IQGAP2: variants seen among roughly 807,000 people sequenced by gnomAD.
The protein encoded by IQGAP2 is IQ motif containing GTPase activating protein 2.
In IQGAP2, 173 loss-of-function variants were observed where a neutral mutation model predicts 201.3. That is an observed-to-expected ratio of 0.86 (90% CI 0.76 to 0.98). The LOEUF is 0.98. Ranked by LOEUF, IQGAP2 falls within the 50% of genes least tolerant of loss-of-function variation. The pLI, the probability that IQGAP2 is intolerant of heterozygous loss-of-function variation, is 0.00. For synonymous variants in IQGAP2, 675 were observed against 673.9 expected, an observed-to-expected ratio of 1.00 and a Z score of -0.03; for missense variants, 1,687 against 1,864.8, an observed-to-expected ratio of 0.90 and a Z score of 1.76.
At chr5:76,617,585 T>G in intron 13 of IQGAP2, 1 of 1,604,676 alleles carries the variant, frequency 6.2e-7, no homozygotes, top group East Asian at 2.2e-5. Context: ...CATTTCACTA[T>G]TTTGTAAGGT....
intron 2 of IQGAP2, among the ~76,000 whole-genome samples, chr5:76,552,003 A>T (rs963454172): frequency 6.6e-6 from 1 of 152,168 alleles, no homozygotes; most frequent in African/African-American, 2.4e-5. Flanking sequence ...ACACTGAGAC[A>T]GAGAGAGCCT....
intron 10 of IQGAP2, among the ~76,000 whole-genome samples, chr5:76,598,639 C>G (rs2150319557): frequency 6.6e-6 from 1 of 152,232 alleles, no homozygotes; most frequent in Admixed American, 6.5e-5. Context: ...AGATTTTCTG[C>G]AGGGTGGTCT....
At chr5:76,580,546 A>AT (rs1745776026) in intron 5 of IQGAP2, among the ~76,000 whole-genome samples, 1 of 152,270 alleles carries the variant, frequency 6.6e-6, no homozygotes, top group Non-Finnish European at 1.5e-5. Context: ...ATAAATACAC[A>AT]TTCGCTATTT....
intron 2 of IQGAP2, among the ~76,000 whole-genome samples, chr5:76,530,374 G>A (rs953578755): frequency 2.0e-5 from 3 of 152,162 alleles, no homozygotes; most frequent in African/African-American, 7.2e-5. Flanking sequence ...GTTTGCAATA[G>A]TGTGAAAAGA....
At chr5:76,593,473 A>G (rs1746801090) in intron 9 of IQGAP2, among the ~76,000 whole-genome samples, 1 of 152,140 alleles carries the variant, frequency 6.6e-6, no homozygotes. Flanking sequence ...TGTGGAGTCA[A>G]GCAGATGAGT....
chr5:76,628,852 A>G (rs1053763015), intron 14 of IQGAP2: 1 of 340,048 alleles, frequency 2.9e-6, no homozygotes, highest in Non-Finnish European at 5.8e-6. Flanking sequence ...GGAGGTGTGT[A>G]TATAAGAAAT....
At chr5:76,429,894 C>CACACA (rs1401698379) in intron 1 of IQGAP2, among the ~76,000 whole-genome samples, 1 of 150,228 alleles carries the variant, frequency 6.7e-6, no homozygotes, top group South Asian at 2.1e-4. Flanking sequence ...CACACACACA[C>CACACA]GACTATTTCA....
chr5:76,654,898 C>G, intron 19 of IQGAP2, 36 bp from the exon 20 acceptor site: 1 of 1,405,182 alleles, frequency 7.1e-7, no homozygotes, highest in Non-Finnish European at 1.0e-6. Context: ...GTAGGTGGGA[C>G]TCTGGGAGAT....
intron 20 of IQGAP2, among the ~76,000 whole-genome samples, chr5:76,656,363 A>G (rs1294054475): frequency 6.6e-6 from 1 of 151,846 alleles, no homozygotes; most frequent in Non-Finnish European, 1.5e-5. Context: ...TTGTATTTTT[A>G]GTAGAGATGG....
At chr5:76,503,915 C>A (rs1757440398) in intron 2 of IQGAP2, among the ~76,000 whole-genome samples, 1 of 152,242 alleles carries the variant, frequency 6.6e-6, no homozygotes, top group South Asian at 2.1e-4. Context: ...TCTTTTAGGC[C>A]AGACAGATAT....
At chr5:76,679,899 G>A (rs1337464559) in intron 28 of IQGAP2, among the ~76,000 whole-genome samples, 1 of 152,172 alleles carries the variant, frequency 6.6e-6, no homozygotes, top group Non-Finnish European at 1.5e-5. Context: ...AGCCTGCTTT[G>A]CCATACACAG....
At chr5:76,510,750 C>T (rs1045218579) in intron 2 of IQGAP2, 1 of 496,222 alleles carries the variant, frequency 2.0e-6, no homozygotes, top group Non-Finnish European at 4.1e-6. Context: ...CTGGGGGCAC[C>T]CACACCAGAC....
At chr5:76,453,918 CT>C (rs1397577969) in intron 1 of IQGAP2, among the ~76,000 whole-genome samples, 1 of 152,008 alleles carries the variant, frequency 6.6e-6, no homozygotes, top group African/African-American at 2.4e-5. Context: ...TTTAAATTAC[CT>C]TCTGTTGTTG....
Position 76,643,954 on chromosome 5 carries a change from G to A in IQGAP2, c.2094+2851G>A, listed in dbSNP as rs116076961. 2.9e-3 allele frequency among the ~76,000 whole-genome samples: 434 copies of A among 152,060 alleles called. 1 individual carries two copies. Among genetic ancestry groups the A allele is most frequent in the African/African-American group, 0.01 (415 of 41,496 alleles). ...TTACCTTTGAGGAGAGGGAGAAGAGGTAAATGTTTAGGGCTTTCTTGGCTA... is the reference window on the plus strand; with the variant it reads ...TTACCTTTGAGGAGAGGGAGAAGAGATAAATGTTTAGGGCTTTCTTGGCTA... On this transcript the variant is annotated intron_variant, in intron 17 of 35. Transcript: ENST00000274364.
In IQGAP2 at chr5:76,632,018, C is replaced by G. The variant is rs972550234; in HGVS notation, c.1772C>G (p.Ser591Cys). 4 of 1,603,678 alleles carry G rather than the reference C, an allele frequency of 2.5e-6. No homozygotes were observed. Among genetic ancestry groups the G allele is most frequent in the Non-Finnish European group, 3.4e-6 (4 of 1,175,876 alleles). ...CTTGTGAAGGCAAAAGAGCTCAAATCTGAAAGAGGTAAGTTGGTTTGTTAC... is the reference window on the plus strand; with the variant it reads ...CTTGTGAAGGCAAAAGAGCTCAAATGTGAAAGAGGTAAGTTGGTTTGTTAC... ...DALVKAKELKSERVSSDGSWL... is the reference protein window; with the variant it reads ...DALVKAKELKCERVSSDGSWL... Residue 591 changes from serine to cysteine, a missense_variant, in exon 15 of 36, where the codon TCT becomes TGT. Transcript: ENST00000274364.
chr5:76,670,383 G>A lies in IQGAP2; in HGVS notation c.2844-1376G>A, dbSNP rs112911851. 6.3e-3 allele frequency among the ~76,000 whole-genome samples: 957 copies of A among 152,046 alleles called. 14 individuals are homozygous for A. The highest frequency in any genetic ancestry group is 0.021 in the African/African-American group (887 of 41,492). On this transcript the variant is annotated intron_variant, in intron 23 of 35. Coordinates refer to ENST00000274364, the MANE Select transcript of IQGAP2 (RefSeq NM_006633.5). ...AACAAAATTAGCCAGACATGGTGGC[G>A]GGCGCCTGTAGTCCCAGCTACTCAG...
intron 3 of IQGAP2, among the ~76,000 whole-genome samples, chr5:76,563,658 CCT>C (rs1488766511): frequency 6.6e-6 from 1 of 152,098 alleles, no homozygotes; most frequent in Non-Finnish European, 1.5e-5. Flanking sequence ...CAATATGTGA[CCT>C]CTTGTCTGCT....
chr5:76,651,298 A>G (rs1408662316), intron 17 of IQGAP2, among the ~76,000 whole-genome samples: 1 of 152,090 alleles, frequency 6.6e-6, no homozygotes, highest in Non-Finnish European at 1.5e-5. Context: ...TAGCACTATT[A>G]TGGATTGCTT....
chr5:76,588,438 C>G (rs950476773), intron 5 of IQGAP2, among the ~76,000 whole-genome samples: 10 of 152,132 alleles, frequency 6.6e-5, no homozygotes, highest in African/African-American at 2.4e-4. Flanking sequence ...TCTTGCCACT[C>G]TATTTATTGG....
Sources: allele counts gnomAD v4.1 joint callset (sites outside exome capture counted in the v4.1 genomes callset), GRCh38; gene constraint gnomAD v4.1.1; transcripts MANE v1.5; gene names NCBI Gene and HGNC (gene_info 2026-07-23, HGNC 2026-07-21).